The following FOXJ3 variants were observed in gnomAD, a reference collection of about 807,000 sequenced individuals.
FOXJ3 encodes forkhead box protein J3.
FOXJ3 carries 22 observed loss-of-function variants against 76.1 expected under a neutral mutation model. That is an observed-to-expected ratio of 0.29 (90% confidence interval 0.21 to 0.41). The LOEUF (loss-of-function observed/expected upper bound fraction) is 0.41. FOXJ3 is among the 10% of genes least tolerant of loss of function. The pLI is 1.00. For missense variants in FOXJ3, 613 were observed against 762.1 expected, an observed-to-expected ratio of 0.80 and a Z score of 2.30; for synonymous variants, 269 against 261.2, an observed-to-expected ratio of 1.03 and a Z score of -0.29.
At chr1:42,257,709 G>T (rs936255933) in intron 4 of FOXJ3, among the ~76,000 whole-genome samples, 1 of 144,654 alleles carries the variant, frequency 6.9e-6, no homozygotes, top group Non-Finnish European at 1.5e-5. Context: ...CTGCACTCCA[G>T]CCTGGGTGAT....
chr1:42,255,437 G>C (rs1337573140), intron 4 of FOXJ3, among the ~76,000 whole-genome samples: 2 of 152,060 alleles, frequency 1.3e-5, no homozygotes, highest in Admixed American at 6.6e-5. Flanking sequence ...AACCCCAAAG[G>C]TTGCAGAAAT....
At chr1:42,324,673 T>A (rs1196767009) in intron 1 of FOXJ3, among the ~76,000 whole-genome samples, 1 of 152,142 alleles carries the variant, frequency 6.6e-6, no homozygotes, top group East Asian at 1.9e-4. Context: ...TTGAATGGCA[T>A]GTTACTGCAC....
chr1:42,254,774 T>G (rs1298730770), intron 4 of FOXJ3, among the ~76,000 whole-genome samples: 7 of 138,072 alleles, frequency 5.1e-5, no homozygotes, highest in Admixed American at 7.6e-5. Flanking sequence ...TGAGAGCACA[T>G]GGACACAGGA....
At chr1:42,203,880 C>T (rs1646810046) in intron 6 of FOXJ3, among the ~76,000 whole-genome samples, 1 of 151,800 alleles carries the variant, frequency 6.6e-6, no homozygotes. Flanking sequence ...CCTGTAATCC[C>T]AGCTACTTGG....
chr1:42,322,455 A>T (rs1011999571), intron 1 of FOXJ3, among the ~76,000 whole-genome samples: 18 of 151,650 alleles, frequency 1.2e-4, no homozygotes, highest in South Asian at 1.0e-3. Context: ...TGAAATACTT[A>T]AAAAAAAGGT....
chr1:42,253,846 A>C (rs551784315), intron 4 of FOXJ3, among the ~76,000 whole-genome samples: 349 of 152,186 alleles, frequency 2.3e-3, no homozygotes, highest in African/African-American at 8.1e-3. Context: ...GTTAGACCTA[A>C]AACCATAAAA....
At chr1:42,279,801 C>G (rs910917040) in intron 2 of FOXJ3, among the ~76,000 whole-genome samples, 3 of 151,398 alleles carry the variant, frequency 2.0e-5, no homozygotes, top group African/African-American at 7.3e-5. Flanking sequence ...GAAAAAAGGA[C>G]AACAAAATAA....
chr1:42,297,828 T>C (rs1222906436), intron 2 of FOXJ3, among the ~76,000 whole-genome samples: 2 of 152,188 alleles, frequency 1.3e-5, no homozygotes, highest in East Asian at 3.9e-4. Context: ...TAGAAAGGAA[T>C]TACTCCTCCT....
chr1:42,316,334 T>TTTTTTTTTTG (rs1557720429), intron 1 of FOXJ3, among the ~76,000 whole-genome samples: 13 of 60,862 alleles, frequency 2.1e-4, no homozygotes, highest in African/African-American at 8.6e-4. Context: ...GCATTGGGCC[T>TTTTTTTTTTG]TTTTTTTTTT....
At chr1:42,215,519 T>C (rs950729858) in intron 5 of FOXJ3, among the ~76,000 whole-genome samples, 1 of 151,762 alleles carries the variant, frequency 6.6e-6, no homozygotes. Context: ...TCTGGAAGAA[T>C]AAAGAGAGAA....
intron 1 of FOXJ3, among the ~76,000 whole-genome samples, chr1:42,315,181 A>C (rs1655033396): frequency 6.6e-6 from 1 of 152,230 alleles, no homozygotes; most frequent in African/African-American, 2.4e-5. Context: ...AGATGGGGGA[A>C]GAGAGGAAGA....
intron 5 of FOXJ3, among the ~76,000 whole-genome samples, chr1:42,209,101 A>C (rs1285720873): frequency 1.3e-5 from 2 of 152,246 alleles, no homozygotes; most frequent in Non-Finnish European, 2.9e-5. Flanking sequence ...GGAAGCAATG[A>C]AGTGAAATTG....
intron 4 of FOXJ3, among the ~76,000 whole-genome samples, chr1:42,263,805 T>A (rs1651246453): frequency 6.6e-6 from 1 of 152,118 alleles, no homozygotes; most frequent in Non-Finnish European, 1.5e-5. Context: ...TCAGCCACTG[T>A]GCAAGCAACT....
intron 2 of FOXJ3, among the ~76,000 whole-genome samples, chr1:42,299,125 T>C (rs1307803500): frequency 6.6e-6 from 1 of 152,222 alleles, no homozygotes; most frequent in Non-Finnish European, 1.5e-5. Context: ...TCTATAAATG[T>C]CTATTAGGTC....
chr1:42,209,760 A>C (rs969769278), intron 5 of FOXJ3, among the ~76,000 whole-genome samples: 4 of 152,184 alleles, frequency 2.6e-5, no homozygotes, highest in South Asian at 2.1e-4. Context: ...GCCATTCCTA[A>C]TCCTATCTCA....
At chr1:42,310,271 G>A (rs567276265) in intron 2 of FOXJ3, among the ~76,000 whole-genome samples, 11 of 151,010 alleles carry the variant, frequency 7.3e-5, no homozygotes, top group South Asian at 2.1e-4. Flanking sequence ...TCAGCCTCCC[G>A]AGTAGCTGGG....
At chr1:42,301,246 A>C (rs1013963287) in intron 2 of FOXJ3, among the ~76,000 whole-genome samples, 1 of 151,770 alleles carries the variant, frequency 6.6e-6, no homozygotes, top group Non-Finnish European at 1.5e-5. Flanking sequence ...CCCAGTCTGG[A>C]GTACAGTGGC....
rs2124067579 is a variant in FOXJ3 at position 42,177,835 on chromosome 1, A to G, written c.*1875T>C. ...AAACAAAAGATGTTTGTTTAGTTCA[A>G]GTAGAGATTACTCAACCATAGAATC... On this transcript the variant is annotated 3_prime_UTR_variant, in exon 13 of 13. Coordinates refer to ENST00000361346, the MANE Select transcript of FOXJ3 (RefSeq NM_014947.5). 6.6e-6 allele frequency: 1 copy of G among 152,554 alleles called. No homozygotes were observed. The highest frequency in any genetic ancestry group is 1.9e-4 in the East Asian group (1 of 5,192). The allele number at this position is 152,554 out of a possible 1,614,324, so 9.5% of individuals were successfully genotyped here.
chr1:42,221,078 C>A (rs751381311), intron 5 of FOXJ3, among the ~76,000 whole-genome samples: 1 of 152,130 alleles, frequency 6.6e-6, no homozygotes, highest in African/African-American at 2.4e-5. Flanking sequence ...CATTAATTTA[C>A]GTATTTTTAA....
Sources: allele counts gnomAD v4.1 joint callset (sites outside exome capture counted in the v4.1 genomes callset), GRCh38; gene constraint gnomAD v4.1.1; transcripts MANE v1.5; gene names NCBI Gene and HGNC (gene_info 2026-07-23, HGNC 2026-07-21).